Variants in PCDHA5 observed in about 807,000 individuals in gnomAD.
PCDHA5 encodes protocadherin alpha-5.
A neutral mutation model predicts 61.6 loss-of-function variants in PCDHA5; 43 were observed. That is an observed-to-expected ratio of 0.70 (90% confidence interval 0.55 to 0.90). The LOEUF (loss-of-function observed/expected upper bound fraction) is 0.90. PCDHA5 is among the 40% of genes least tolerant of loss of function. PCDHA5 has a pLI of 0.00. For synonymous variants in PCDHA5, 627 were observed against 543.9 expected, an observed-to-expected ratio of 1.15 and a Z score of -2.13; for missense variants, 1,298 against 1,222.7, an observed-to-expected ratio of 1.06 and a Z score of -0.92.
Position 140,969,468 on chromosome 5 carries a change from A to G in PCDHA5, c.2353-9481A>G, listed in dbSNP as rs1554231867. 18 of 1,486,304 alleles carry G rather than the reference A, an allele frequency of 1.2e-5. No individual in the cohort carries two copies. In the South Asian group the frequency reaches 2.5e-4, roughly 21 times the overall value. 92.1% of individuals were successfully genotyped at this position (1,486,304 alleles called of 1,614,324 possible). The stretch of plus-strand genomic sequence containing the variant: ...AAACTGAGTATATATAGTATCCACA[A>G]TTTGATCATAATCTGCTATTTCCTC... On this transcript the variant is annotated intron_variant, in intron 1 of 3. Transcript: ENST00000529859.
chr5:140,977,923 C>T (rs573696974), intron 1 of PCDHA5, among the ~76,000 whole-genome samples: 2 of 151,828 alleles, frequency 1.3e-5, no homozygotes, highest in Admixed American at 1.3e-4. Flanking sequence ...TTTTTTCATT[C>T]AACTATACCT....
chr5:141,009,651 C>A lies in PCDHA5; in HGVS notation c.2525C>A (p.Pro842His). 1 of 1,613,950 alleles carries A rather than the reference C, an allele frequency of 6.2e-7. No individual in the cohort carries two copies. The highest frequency in any genetic ancestry group is 8.5e-7 in the Non-Finnish European group (1 of 1,179,936). Residue 842 changes from proline (P) to histidine (H), a missense_variant, in exon 4 of 4, where the codon CCT (proline) becomes CAT (histidine). By Grantham distance (77) the Pro-to-His change is moderately conservative. Coordinates refer to ENST00000529859, the MANE Select transcript of PCDHA5 (RefSeq NM_018908.3). Reference protein sequence around the residue: ...TPEPEAGEVSPPVGAGVNSNS... With the variant: ...TPEPEAGEVSHPVGAGVNSNS... ...GAACCAGAGGCAGGAGAAGTGTCCC[C>A]TCCAGTCGGTGCGGGTGTCAACAGC...
intron 1 of PCDHA5, among the ~76,000 whole-genome samples, chr5:140,844,781 G>A (rs1779544851): frequency 6.7e-6 from 1 of 149,070 alleles, no homozygotes; most frequent in African/African-American, 2.5e-5. Context: ...CTTTATTTTG[G>A]TATCTTTCAA....
intron 1 of PCDHA5, among the ~76,000 whole-genome samples, chr5:140,838,466 C>T (rs1775745526): frequency 6.6e-6 from 1 of 151,588 alleles, no homozygotes; most frequent in South Asian, 2.1e-4. Context: ...TTCATTAGCG[C>T]TTATTCCTTG....
chr5:140,873,706 G>T (rs1419666886), intron 1 of PCDHA5, among the ~76,000 whole-genome samples: 1 of 152,132 alleles, frequency 6.6e-6, no homozygotes, highest in Non-Finnish European at 1.5e-5. Context: ...TATCACCCAG[G>T]CTGGTGTGCA....
At chr5:141,005,701 CAAAAAAAAAAAAAAAAAAAA>C (rs59860837) in intron 3 of PCDHA5, among the ~76,000 whole-genome samples, 1 of 7,786 alleles carries the variant, frequency 1.3e-4, no homozygotes, top group Admixed American at 1.6e-3. Flanking sequence ...AACTCCGTCT[CAAAAAAAAAAAAAAAAAAAA>C]AAAAAAAAAA....
intron 1 of PCDHA5, among the ~76,000 whole-genome samples, chr5:140,961,630 C>A (rs1387087976): frequency 1.3e-5 from 2 of 152,136 alleles, no homozygotes; most frequent in Non-Finnish European, 2.9e-5. Context: ...ATATGAAAAA[C>A]AATCTTAAGT....
At chr5:140,926,707 C>A in intron 1 of PCDHA5, 5 of 886,092 alleles carry the variant, frequency 5.6e-6, no homozygotes, top group Non-Finnish European at 7.9e-6. Context: ...TCCCAGCTGG[C>A]CAGCCCCGGC....
chr5:141,010,462 T>A lies in PCDHA5; in HGVS notation c.*525T>A. On this transcript the variant is annotated 3_prime_UTR_variant, in exon 4 of 4. Transcript: ENST00000529859. ...ACAAATAAACAGCGGAAGTTATCAGTATGGAGGGGAAGTGTAAACTTAAAG... is the reference window on the plus strand; with the variant it reads ...ACAAATAAACAGCGGAAGTTATCAGAATGGAGGGGAAGTGTAAACTTAAAG... The A allele has an allele frequency of 2.4e-6, 2 of 822,568 alleles. No individual in the cohort carries two copies. Among genetic ancestry groups the A allele is most frequent in the Non-Finnish European group, 3.6e-6 (2 of 552,664 alleles). The allele number at this position is 822,568 out of a possible 1,614,324, so 51.0% of individuals were successfully genotyped here.
intron 3 of PCDHA5, 42 bp downstream of exon 3, chr5:140,982,605 A>G: frequency 1.9e-6 from 3 of 1,605,520 alleles, no homozygotes; most frequent in Non-Finnish European, 2.6e-6. Flanking sequence ...GGTTTCTGGA[A>G]AGTGATCAGA....
chr5:141,010,274 T>C lies in PCDHA5; in HGVS notation c.*337T>C, dbSNP rs1554262865. On this transcript the variant is annotated 3_prime_UTR_variant, in exon 4 of 4. Coordinates refer to ENST00000529859, the MANE Select transcript of PCDHA5 (RefSeq NM_018908.3). ...TCTGCCCTGTGCTCCGGGGATCCTG[T>C]CTTGATGACACTTGCAGGGCAGGCT... is the stretch of plus-strand genomic sequence containing the variant. The C allele has an allele frequency of 6.4e-7, 1 of 1,551,424 alleles. No homozygotes were observed. Among genetic ancestry groups the C allele is most frequent in the Admixed American group, 2.0e-5 (1 of 50,930 alleles).
intron 1 of PCDHA5, among the ~76,000 whole-genome samples, chr5:140,873,360 T>C (rs1271954811): frequency 6.6e-6 from 1 of 152,170 alleles, no homozygotes; most frequent in African/African-American, 2.4e-5. Flanking sequence ...ATTTTTGGAA[T>C]AACTGAAGAT....
Position 140,857,427 on chromosome 5 carries a change from C to A in PCDHA5, c.2352+33300C>A, listed in dbSNP as rs781871079. 21 of 1,598,334 alleles carry A rather than the reference C, an allele frequency of 1.3e-5. 1 individual carries two copies. The highest frequency in any genetic ancestry group is 4.4e-5 in the South Asian group (4 of 90,554). On this transcript the variant is annotated intron_variant, in intron 1 of 3. Transcript: ENST00000529859. ...CCTGCGTTCGCGCAGTCCGAGTACACGGTGTTCGTGAAGGAGAACAACCCG... is the reference window on the plus strand; with the variant it reads ...CCTGCGTTCGCGCAGTCCGAGTACAAGGTGTTCGTGAAGGAGAACAACCCG...
intron 1 of PCDHA5, chr5:140,827,914 G>T: frequency 4.6e-6 from 4 of 864,114 alleles, no homozygotes; most frequent in Non-Finnish European, 5.4e-6. Flanking sequence ...GCATGATGTC[G>T]CTGTCTACCA....
intron 1 of PCDHA5, among the ~76,000 whole-genome samples, chr5:140,892,991 A>G (rs1477087965): frequency 1.3e-5 from 2 of 152,196 alleles, no homozygotes; most frequent in African/African-American, 2.4e-5. Context: ...TATAAGTGAG[A>G]ACATGTATTT....
chr5:140,978,860 A>G, intron 1 of PCDHA5, 89 bp from the exon 2 acceptor site: 1 of 1,598,356 alleles, frequency 6.3e-7, no homozygotes, highest in African/African-American at 1.3e-5. Context: ...GCCTGGAAAT[A>G]TTTAAGGGAG....
chr5:140,903,642 A>G (rs1583499752), intron 1 of PCDHA5, among the ~76,000 whole-genome samples: 2 of 152,374 alleles, frequency 1.3e-5, no homozygotes, highest in East Asian at 3.8e-4. Context: ...CATATACCAT[A>G]TACATATATT....
chr5:140,909,493 G>A (rs989826667), intron 1 of PCDHA5, among the ~76,000 whole-genome samples: 2 of 152,184 alleles, frequency 1.3e-5, no homozygotes, highest in African/African-American at 4.8e-5. Context: ...AGAGCTGAAC[G>A]GGGATGTGGT....
At chr5:140,841,533 A>T (rs2150317593) in intron 1 of PCDHA5, 20 of 1,613,658 alleles carry the variant, frequency 1.2e-5, no homozygotes, top group Non-Finnish European at 1.7e-5. Context: ...TCCAAAAGAC[A>T]CCGGGACCTT....
Sources: allele counts gnomAD v4.1 joint callset (sites outside exome capture counted in the v4.1 genomes callset), GRCh38; gene constraint gnomAD v4.1.1; transcripts MANE v1.5; gene names NCBI Gene and HGNC (gene_info 2026-07-23, HGNC 2026-07-21).